The following ADAM12 variants were observed in gnomAD, a reference collection of about 807,000 sequenced individuals.
The protein encoded by ADAM12 is ADAM metallopeptidase domain 12.
A neutral mutation model predicts 106.4 loss-of-function variants in ADAM12; 70 were observed. That is an observed-to-expected ratio of 0.66 (90% CI 0.54 to 0.80). The LOEUF is 0.80. Ranked by LOEUF, ADAM12 falls within the 30% of genes least tolerant of loss-of-function variation. The pLI, the probability that ADAM12 is intolerant of heterozygous loss-of-function variation, is 0.00. For missense variants in ADAM12, 1,010 were observed against 1,171.9 expected (o/e 0.86, Z 2.02); for synonymous variants, 420 against 433.5 (o/e 0.97, Z 0.39).
intron 5 of ADAM12, among the ~76,000 whole-genome samples, chr10:126,127,919 C>T (rs7893275): frequency 0.012 from 1,875 of 152,212 alleles, 34 homozygotes; most frequent in African/African-American, 0.043. Context: ...ACGCATGTGG[C>T]GGCATGCTCT....
At position 126,049,325 on chromosome 10, in the gene ADAM12, G is replaced by T. The variant is rs1349894876; in HGVS notation, c.1845C>A (p.Thr615=). The T allele has an allele frequency of 6.2e-6, 10 of 1,614,086 alleles. No homozygotes were observed. In the African/African-American group the frequency reaches 9.3e-5, roughly 15 times the overall value. The change falls in exon 16 of 23, where the codon ACC becomes ACA. Residue 615 remains threonine, a synonymous_variant. Coordinates refer to ENST00000448723, the MANE Select transcript of ADAM12 (RefSeq NM_001288973.2). This position sits in a 1 kb window ranked among gnomAD's most constrained non-coding sequence, Gnocchi z 4.4. ...GCATGTCATCGCCCAAGTACACGTGGGTCCCCCGGCACAGAATCCGGCCTC... is the reference window on the plus strand; with the variant it reads ...GCATGTCATCGCCCAAGTACACGTGTGTCCCCCGGCACAGAATCCGGCCTC... ...QQGGRILCRG[T]HVYLGDDMPD...
intron 3 of ADAM12, among the ~76,000 whole-genome samples, chr10:126,201,558 C>A (rs1440862990): frequency 6.6e-6 from 1 of 152,066 alleles, no homozygotes; most frequent in Non-Finnish European, 1.5e-5. Flanking sequence ...TTTCTGCCTT[C>A]CAGAGCTGCG....
intron 3 of ADAM12, among the ~76,000 whole-genome samples, chr10:126,174,182 CT>C (rs1565115367): frequency 6.6e-6 from 1 of 151,524 alleles, no homozygotes; most frequent in Non-Finnish European, 1.5e-5. Context: ...CGTTGTTCCC[CT>C]CCTCCCCCTT....
Position 126,118,207 on chromosome 10 carries a change from T to C in ADAM12, c.434A>G (p.Glu145Gly). The C allele has an allele frequency of 1.2e-6, 2 of 1,613,814 alleles. No individual in the cohort carries two copies. The highest frequency in any genetic ancestry group is 1.1e-5 in the South Asian group (1 of 91,054). Residue 145 changes from glutamate (E) to glycine (G), a missense_variant, in exon 6 of 23, where the codon GAA becomes GGA. Transcript: ENST00000448723. ...CSGLRGLIVF[E>G]NESYVLEPMK... ...TGGTTCTAAGACATAGCTTTCATTTTCAAACACAATAAGTCCCCTGTTGAA... is the reference window on the plus strand; with the variant it reads ...TGGTTCTAAGACATAGCTTTCATTTCCAAACACAATAAGTCCCCTGTTGAA...
intron 3 of ADAM12, among the ~76,000 whole-genome samples, chr10:126,208,113 A>G (rs1009426252): frequency 6.6e-6 from 1 of 152,238 alleles, no homozygotes; most frequent in African/African-American, 2.4e-5. Flanking sequence ...TACTTCTATC[A>G]GCTGACTGAG....
intron 3 of ADAM12, among the ~76,000 whole-genome samples, chr10:126,263,515 A>G (rs1234576678): frequency 6.6e-6 from 1 of 151,964 alleles, no homozygotes; most frequent in Non-Finnish European, 1.5e-5. Flanking sequence ...GGCATGCATC[A>G]TACTTCCTCA....
intron 2 of ADAM12, among the ~76,000 whole-genome samples, chr10:126,325,607 C>G (rs1854273494): frequency 6.6e-6 from 1 of 152,186 alleles, no homozygotes; most frequent in Non-Finnish European, 1.5e-5. Flanking sequence ...TTCTTATACT[C>G]TTTCTGTAAC....
At chr10:126,036,864 T>TC (rs1443660055) in intron 20 of ADAM12, among the ~76,000 whole-genome samples, 1 of 152,198 alleles carries the variant, frequency 6.6e-6, no homozygotes, top group Non-Finnish European at 1.5e-5. Context: ...TTCTACCCCT[T>TC]CCTTCCTCTC....
chr10:126,175,232 C>T (rs1252079885), intron 3 of ADAM12, among the ~76,000 whole-genome samples: 2 of 152,162 alleles, frequency 1.3e-5, no homozygotes, highest in Non-Finnish European at 2.9e-5. Context: ...AGAACGCTGC[C>T]GAGAGAAACA....
chr10:126,033,326 A>G (rs1295629076), intron 21 of ADAM12, among the ~76,000 whole-genome samples: 1 of 152,236 alleles, frequency 6.6e-6, no homozygotes, highest in African/African-American at 2.4e-5. Context: ...CAAGTGTACC[A>G]GTAATCAAAA....
intron 1 of ADAM12, among the ~76,000 whole-genome samples, chr10:126,339,343 G>T (rs1344568849): frequency 6.6e-6 from 1 of 152,076 alleles, no homozygotes; most frequent in Non-Finnish European, 1.5e-5. Context: ...TCATCTCCCA[G>T]CGAAAAACCA....
At chr10:126,156,970 T>C (rs1045322944) in intron 3 of ADAM12, among the ~76,000 whole-genome samples, 6 of 151,680 alleles carry the variant, frequency 4.0e-5, no homozygotes, top group African/African-American at 1.5e-4. Context: ...GCCTGCCCTT[T>C]CCTGTCTTCA....
intron 3 of ADAM12, among the ~76,000 whole-genome samples, chr10:126,192,116 T>C (rs1957513328): frequency 6.6e-6 from 1 of 152,192 alleles, no homozygotes; most frequent in African/African-American, 2.4e-5. Context: ...GGGATTACAA[T>C]TTGACATAAG....
At chr10:126,352,831 G>A (rs1855408971) in intron 1 of ADAM12, among the ~76,000 whole-genome samples, 1 of 152,228 alleles carries the variant, frequency 6.6e-6, no homozygotes, top group Non-Finnish European at 1.5e-5. Flanking sequence ...CCATGGCAGT[G>A]ATGTGATCCA....
chr10:126,285,450 C>T (rs907510882), intron 2 of ADAM12, among the ~76,000 whole-genome samples: 2 of 152,178 alleles, frequency 1.3e-5, no homozygotes, highest in African/African-American at 4.8e-5. Flanking sequence ...TGCATGAACA[C>T]TTGCTTTTGT....
rs1953676874 is a variant in ADAM12, at chr10:126,017,276, T to G, written c.*3A>C. 6.3e-7 allele frequency: 1 copy of G among 1,592,452 alleles called. No homozygotes were observed. The highest frequency in any genetic ancestry group is 8.6e-7 in the Non-Finnish European group (1 of 1,168,590). On this transcript the variant is annotated 3_prime_UTR_variant, in exon 23 of 23. Transcript: ENST00000448723. ...TTCACTGTTGAAAAAAGGTGTCGGC[T>G]TCTCACTTAATATAGGCGGTGTGGG...
At chr10:126,181,846 T>C (rs1321128364) in intron 3 of ADAM12, among the ~76,000 whole-genome samples, 1 of 152,146 alleles carries the variant, frequency 6.6e-6, no homozygotes, top group Non-Finnish European at 1.5e-5. Flanking sequence ...GACCGACCAA[T>C]AGCCGCAGGA....
intron 4 of ADAM12, among the ~76,000 whole-genome samples, chr10:126,152,774 C>G (rs1956751285): frequency 6.6e-6 from 1 of 152,020 alleles, no homozygotes; most frequent in Non-Finnish European, 1.5e-5. Context: ...AATATGTTGA[C>G]TCATTTTTAT....
chr10:126,249,022 T>C (rs1188817882), intron 3 of ADAM12, among the ~76,000 whole-genome samples: 1 of 152,088 alleles, frequency 6.6e-6, no homozygotes, highest in Non-Finnish European at 1.5e-5. Context: ...AGTATTTACC[T>C]ATTTCATTTC....
Sources: allele counts gnomAD v4.1 joint callset (sites outside exome capture counted in the v4.1 genomes callset), GRCh38; gene constraint gnomAD v4.1.1; non-coding constraint Gnocchi (gnomAD v3.1); transcripts MANE v1.5; gene names NCBI Gene and HGNC (gene_info 2026-07-23, HGNC 2026-07-21).